The following TDRD10 variants were observed in gnomAD, a reference collection of about 807,000 sequenced individuals.
The protein encoded by TDRD10 is tudor domain-containing protein 10.
Under a neutral mutation model 48.0 loss-of-function variants are expected in TDRD10, and 40 were observed. The ratio of observed to expected loss-of-function variants is 0.83; its 90% CI spans 0.65 to 1.09. TDRD10 has a LOEUF of 1.09. Among genes scored for constraint, TDRD10 ranks in the 50% least tolerant of loss-of-function variants. TDRD10 has a pLI of 0.00. For synonymous variants in TDRD10, 162 were observed against 170.4 expected (o/e 0.95, Z 0.38); for missense variants, 378 against 434.7 (o/e 0.87, Z 1.16).
intron 11 of TDRD10, 40 bp from the exon 12 acceptor site, chr1:154,547,369 C>G: frequency 1.2e-6 from 2 of 1,612,700 alleles, no homozygotes; most frequent in South Asian, 1.1e-5. Flanking sequence ...CTGCCCAACC[C>G]CGTGCCACTG....
intron 2 of TDRD10, 50 bp from the exon 3 acceptor site, chr1:154,507,191 T>C (rs1177853291): frequency 6.2e-7 from 1 of 1,612,244 alleles, no homozygotes; most frequent in South Asian, 1.1e-5. Context: ...CGTTTCCTTT[T>C]GTCGGAGTCT....
rs775098719 is a variant in TDRD10, at chr1:154,521,485, T to G, written c.369+6T>G. On this transcript the variant is annotated splice_donor_region_variant and intron_variant, in intron 6 of 12. Transcript: ENST00000368482. The stretch of plus-strand genomic sequence containing the variant: ...AGCAGCCTCGGGCCCCGCTGGTATG[T>G]CTTCTGGCCTTTCTGCTCTGGGGCG... 1 of 1,613,092 alleles carries G rather than the reference T, an allele frequency of 6.2e-7. No individual in the cohort carries two copies. Among genetic ancestry groups the G allele is most frequent in the Non-Finnish European group, 8.5e-7 (1 of 1,179,874 alleles).
At position 154,508,492 on chromosome 1, in the gene TDRD10, T is replaced by G; in HGVS notation, c.141+11T>G. On this transcript the variant is annotated intron_variant, in intron 4 of 12. Transcript: ENST00000368482. ...CTGGATATTTCTAAGGTATTTATTC[T>G]TCACAATAGGCTGCTTATCTTCCTT... 6.3e-7 allele frequency: 1 copy of G among 1,576,174 alleles called. No homozygotes were observed. The highest frequency in any genetic ancestry group is 8.7e-7 in the Non-Finnish European group (1 of 1,145,504).
intron 4 of TDRD10, among the ~76,000 whole-genome samples, chr1:154,512,288 G>C (rs1693527279): frequency 6.6e-6 from 1 of 152,060 alleles, no homozygotes; most frequent in Non-Finnish European, 1.5e-5. Context: ...CATGTTTTCA[G>C]TGTTCATTTG....
rs760855348 is a variant in TDRD10 at position 154,544,020 on chromosome 1, A to G, written c.561A>G (p.Ala187=). 112 of 1,613,810 alleles carry G rather than the reference A, an allele frequency of 6.9e-5. No homozygotes were observed. Among genetic ancestry groups the G allele is most frequent in the Non-Finnish European group, 7.5e-5 (88 of 1,179,980 alleles). ...RECFRDLSWL[A]LIHSVRGEAG... ...GCTTCCGAGACCTGAGCTGGCTGGC[A>G]CTCATCCATAGCGTCCGTGGGGAGG... The change falls in exon 9 of 13, where the codon GCA becomes GCG. Residue 187 remains alanine (A), a synonymous_variant. Transcript: ENST00000368482.
At chr1:154,514,595 G>A (rs1693652039) in intron 4 of TDRD10, among the ~76,000 whole-genome samples, 1 of 152,082 alleles carries the variant, frequency 6.6e-6, no homozygotes, top group Non-Finnish European at 1.5e-5. Context: ...CCAGAACCTG[G>A]CACCTATTGT....
chr1:154,548,032 G>T lies in TDRD10; in HGVS notation c.*322G>T. The stretch of plus-strand genomic sequence containing the variant: ...TTGCACCCCAGAGCATGATATAAGT[G>T]GTCCTAACAGATTCTGGATAATGGA... On this transcript the variant is annotated 3_prime_UTR_variant, in exon 13 of 13. Transcript: ENST00000368482. The T allele has an allele frequency of 2.4e-6, 1 of 409,444 alleles. No individual in the cohort carries two copies. Among genetic ancestry groups the T allele is most frequent in the Non-Finnish European group, 4.4e-6 (1 of 227,718 alleles). The allele number at this position is 409,444 out of a possible 1,614,324, so 25.4% of individuals were successfully genotyped here.
chr1:154,521,612 A>G (rs1694065229), intron 6 of TDRD10, 133 bp downstream of exon 6: 1 of 1,022,890 alleles, frequency 9.8e-7, no homozygotes, highest in Admixed American at 2.5e-5. Context: ...TCTCGGGTGA[A>G]GTCAGGGAAC....
Position 154,544,047 on chromosome 1 carries a change from G to A in TDRD10, c.588G>A (p.Ala196=), listed in dbSNP as rs369017708. ...TCATCCATAGCGTCCGTGGGGAGGC[G>A]GGGCTGCTGGTGACGAGTATCGTCC... The part of the protein sequence containing the change: ...LALIHSVRGE[A]GLLVTSIVPK... The change falls in exon 9 of 13, where the codon GCG becomes GCA. Residue 196 remains alanine (A), a synonymous_variant. Coordinates refer to ENST00000368482, the MANE Select transcript of TDRD10 (RefSeq NM_182499.4). 1.1e-5 allele frequency: 17 copies of A among 1,614,144 alleles called. No homozygotes were observed. The highest frequency in any genetic ancestry group is 5.5e-5 in the South Asian group (5 of 91,064).
chr1:154,537,403 T>G (rs1694978728), intron 6 of TDRD10, among the ~76,000 whole-genome samples: 1 of 152,264 alleles, frequency 6.6e-6, no homozygotes, highest in Non-Finnish European at 1.5e-5. Context: ...TTCATCTTTG[T>G]CTTTTTGTGT....
At chr1:154,513,927 C>T (rs1340794579) in intron 4 of TDRD10, among the ~76,000 whole-genome samples, 2 of 152,176 alleles carry the variant, frequency 1.3e-5, no homozygotes, top group Admixed American at 6.5e-5. Context: ...TGGTGGCTCA[C>T]GCCTGTAATC....
At chr1:154,537,068 T>G (rs1181102754) in intron 6 of TDRD10, among the ~76,000 whole-genome samples, 2 of 152,130 alleles carry the variant, frequency 1.3e-5, no homozygotes, top group Admixed American at 6.6e-5. Context: ...CCTTAGGGCC[T>G]CTGGACCTAC....
chr1:154,530,888 G>A (rs1008332698), intron 6 of TDRD10, among the ~76,000 whole-genome samples: 26 of 146,322 alleles, frequency 1.8e-4, no homozygotes, highest in Admixed American at 4.8e-4. Context: ...TTTTTGAGAC[G>A]AGTCTCACTC....
intron 6 of TDRD10, among the ~76,000 whole-genome samples, chr1:154,529,488 C>T (rs1325846405): frequency 6.6e-6 from 1 of 151,440 alleles, no homozygotes; most frequent in Admixed American, 6.6e-5. Context: ...AAAGTAATAG[C>T]AGAAACCGCA....
Position 154,544,800 on chromosome 1 carries a change from G to A in TDRD10, c.803G>A (p.Trp268Ter). 1 of 1,613,968 alleles carries A rather than the reference G, an allele frequency of 6.2e-7. No individual in the cohort carries two copies. The highest frequency in any genetic ancestry group is 2.2e-5 in the East Asian group (1 of 44,880). Residue 268 changes from tryptophan to a stop codon, truncating the protein, a stop_gained, in exon 11 of 13, where the codon TGG becomes TAG. Transcript: ENST00000368482. LOFTEE classifies it high-confidence loss of function. ...GDYGHAWNRC[W>*]VLDRVDTWAV... Reference sequence around the variant, plus strand: ...TTTCTCTTTTCCTCTGCCAGGTGTTGGGTGCTGGACAGGGTGGACACCTGG... The same window carrying A: ...TTTCTCTTTTCCTCTGCCAGGTGTTAGGTGCTGGACAGGGTGGACACCTGG...
chr1:154,509,196 A>G (rs1693313360), intron 4 of TDRD10, among the ~76,000 whole-genome samples: 2 of 150,548 alleles, frequency 1.3e-5, no homozygotes, highest in African/African-American at 4.9e-5. Flanking sequence ...CAAGGAGCTC[A>G]ATCCTGGAAG....
intron 4 of TDRD10, among the ~76,000 whole-genome samples, chr1:154,517,091 A>G (rs1169234859): frequency 6.6e-6 from 1 of 152,156 alleles, no homozygotes; most frequent in African/African-American, 2.4e-5. Context: ...TTGGAGAACC[A>G]GAGGTGTGAG....
At chr1:154,504,871 C>T (rs1363822013) in intron 1 of TDRD10, among the ~76,000 whole-genome samples, 1 of 152,086 alleles carries the variant, frequency 6.6e-6, no homozygotes, top group African/African-American at 2.4e-5. Flanking sequence ...CCTGTAGTCC[C>T]AGCTATCTGG....
chr1:154,542,637 T>C (rs1196876028), intron 7 of TDRD10, 94 bp from the exon 8 acceptor site: 1 of 953,136 alleles, frequency 1.0e-6, no homozygotes, highest in African/African-American at 1.7e-5. Context: ...TTATGCTTCC[T>C]TGGAGGGCAG....
Sources: allele counts gnomAD v4.1 joint callset (sites outside exome capture counted in the v4.1 genomes callset), GRCh38; gene constraint gnomAD v4.1.1; transcripts MANE v1.5; gene names NCBI Gene and HGNC (gene_info 2026-07-23, HGNC 2026-07-21).